KHDRBS2: variants seen among roughly 807,000 people sequenced by gnomAD.
The protein encoded by KHDRBS2 is KH RNA binding domain containing, signal transduction associated 2.
Under a neutral mutation model 44.3 loss-of-function variants are expected in KHDRBS2, and 26 were observed. That is an observed-to-expected ratio of 0.59 (90% CI 0.43 to 0.81). The LOEUF (loss-of-function observed/expected upper bound fraction) is 0.81, where lower values mean the gene tolerates loss of function less well. Among genes scored for constraint, KHDRBS2 ranks in the 40% least tolerant of loss-of-function variants. KHDRBS2 has a pLI of 0.00. For synonymous variants in KHDRBS2, 194 were observed against 151.1 expected (o/e 1.28, Z -2.08); for missense variants, 476 against 433.1 (o/e 1.10, Z -0.88).
At chr6:61,578,480 C>T in the KHDRBS2 span, among the ~76,000 whole-genome samples, 1 of 152,084 alleles carries the variant, frequency 6.6e-6, no homozygotes, top group South Asian at 2.1e-4. Context: ...AGGTCAGCTT[C>T]TTGTATCTCC....
intron 6 of KHDRBS2, among the ~76,000 whole-genome samples, chr6:61,860,624 G>T (rs1362964378): frequency 1.3e-5 from 2 of 151,970 alleles, no homozygotes; most frequent in East Asian, 3.9e-4. Context: ...TATCATTGAT[G>T]GGTATTTAGG....
At chr6:62,279,195 TCA>T (rs1180345518) in intron 1 of KHDRBS2, among the ~76,000 whole-genome samples, 1 of 152,134 alleles carries the variant, frequency 6.6e-6, no homozygotes, top group Non-Finnish European at 1.5e-5. Context: ...CTCAGATACC[TCA>T]CAGAGTAAAG....
intron 5 of KHDRBS2, 35 bp downstream of exon 5, chr6:61,901,209 C>T: frequency 6.3e-7 from 1 of 1,598,728 alleles, no homozygotes; most frequent in Non-Finnish European, 8.5e-7. Context: ...GGCCTGCCAT[C>T]ATCCTTAATT....
At chr6:61,759,790 G>A (rs1779012782) in intron 6 of KHDRBS2, among the ~76,000 whole-genome samples, 1 of 152,146 alleles carries the variant, frequency 6.6e-6, no homozygotes, top group African/African-American at 2.4e-5. Context: ...GTAGGATTTG[G>A]CTAATCAACA....
chr6:61,865,509 T>C (rs763197124), intron 6 of KHDRBS2, among the ~76,000 whole-genome samples: 15 of 152,044 alleles, frequency 9.9e-5, no homozygotes, highest in African/African-American at 2.7e-4. Flanking sequence ...AAAAACAGCA[T>C]GGGAAAGACC....
the KHDRBS2 span, among the ~76,000 whole-genome samples, chr6:61,575,495 T>G: frequency 1.3e-5 from 2 of 152,198 alleles, no homozygotes; most frequent in African/African-American, 4.8e-5. Flanking sequence ...CAAACACTTT[T>G]ACACTGCTGG....
At chr6:62,238,690 A>G (rs1834102280) in intron 1 of KHDRBS2, among the ~76,000 whole-genome samples, 1 of 41,488 alleles carries the variant, frequency 2.4e-5, no homozygotes, top group African/African-American at 5.1e-5. Context: ...TTTTATATAC[A>G]CACACACACA....
rs777723610 is a variant in KHDRBS2, at chr6:61,681,019, G to T, written c.994C>A (p.Pro332Thr). The change falls in exon 9 of 9, where the codon CCA becomes ACA. Residue 332 changes from proline to threonine, a missense_variant. Coordinates refer to ENST00000281156, the MANE Select transcript of KHDRBS2 (RefSeq NM_152688.4). ...WATTRSSLKA[P>T]PQRSARGGYR... ...CCCCCTCTGGCTGACCTTTGCGGTG[G>T]TGCCTTCAAGCTAGAGCGGGTTGTG... The T allele has an allele frequency of 1.2e-6, 2 of 1,611,860 alleles. No individual in the cohort carries two copies. The highest frequency in any genetic ancestry group is 2.2e-5 in the East Asian group (1 of 44,756).
the KHDRBS2 span, among the ~76,000 whole-genome samples, chr6:61,553,859 G>C: frequency 6.6e-6 from 1 of 152,144 alleles, no homozygotes; most frequent in African/African-American, 2.4e-5. Context: ...TGTGATCCAA[G>C]AGTGTGGTTA....
At chr6:61,630,988 A>G in the KHDRBS2 span, among the ~76,000 whole-genome samples, 12 of 152,114 alleles carry the variant, frequency 7.9e-5, no homozygotes, top group East Asian at 2.3e-3. Flanking sequence ...TTCTCAAGTA[A>G]CACTTCGTCT....
chr6:61,563,777 T>C, the KHDRBS2 span, among the ~76,000 whole-genome samples: 1 of 152,106 alleles, frequency 6.6e-6, no homozygotes, highest in African/African-American at 2.4e-5. Context: ...TCATAGAAAG[T>C]ACATTATACA....
At chr6:62,007,060 T>C (rs1779374474) in intron 3 of KHDRBS2, among the ~76,000 whole-genome samples, 1 of 152,114 alleles carries the variant, frequency 6.6e-6, no homozygotes, top group South Asian at 2.1e-4. Context: ...TGGACATTGC[T>C]TCTGTGATCA....
intron 3 of KHDRBS2, among the ~76,000 whole-genome samples, chr6:62,018,563 T>C (rs564688943): frequency 4.6e-5 from 7 of 152,032 alleles, no homozygotes; most frequent in Non-Finnish European, 7.4e-5. Context: ...GCCAGGATGA[T>C]CTCGATATCC....
intron 3 of KHDRBS2, among the ~76,000 whole-genome samples, chr6:62,002,624 C>G (rs1778467781): frequency 6.6e-6 from 1 of 150,878 alleles, no homozygotes; most frequent in Non-Finnish European, 1.5e-5. Flanking sequence ...TAGAATAGAG[C>G]AATGTAAAAA....
chr6:61,582,671 T>C, the KHDRBS2 span, among the ~76,000 whole-genome samples: 6 of 146,510 alleles, frequency 4.1e-5, no homozygotes, highest in South Asian at 1.3e-3. Flanking sequence ...ATCTTCATAT[T>C]CCTTATGGTA....
intron 3 of KHDRBS2, among the ~76,000 whole-genome samples, chr6:62,008,134 G>A (rs1001478534): frequency 6.6e-6 from 1 of 152,126 alleles, no homozygotes; most frequent in Non-Finnish European, 1.5e-5. Context: ...AATCACAAAA[G>A]TTCTCATTAA....
intron 1 of KHDRBS2, among the ~76,000 whole-genome samples, chr6:62,192,521 C>T (rs1824838269): frequency 6.6e-6 from 1 of 152,066 alleles, no homozygotes; most frequent in South Asian, 2.1e-4. Context: ...AGAAATGCTA[C>T]AAGCAGATGT....
chr6:61,820,724 T>C (rs945598636), intron 6 of KHDRBS2, among the ~76,000 whole-genome samples: 53 of 152,180 alleles, frequency 3.5e-4, no homozygotes, highest in Admixed American at 3.3e-3. Flanking sequence ...ACATACACAA[T>C]CCATTTATGC....
Position 61,969,022 on chromosome 6 carries a change from T to C in KHDRBS2, c.483+9044A>G, listed in dbSNP as rs1429105201. Among the ~76,000 whole-genome samples the C allele has an allele frequency of 4.6e-5, 7 of 152,068 alleles. No homozygotes were observed. The South Asian group carries it at 1.4e-3, about 31-fold the overall frequency. Reference sequence around the variant, plus strand: ...TATTGCCTTAGAAACCTGTTAATTGTTTTGAGCTTAAGTATCCCTTCCAGT... The same window carrying C: ...TATTGCCTTAGAAACCTGTTAATTGCTTTGAGCTTAAGTATCCCTTCCAGT... On this transcript the variant is annotated intron_variant, in intron 4 of 8. Coordinates refer to ENST00000281156, the MANE Select transcript of KHDRBS2 (RefSeq NM_152688.4).
Sources: allele counts gnomAD v4.1 joint callset (sites outside exome capture counted in the v4.1 genomes callset), GRCh38; gene constraint gnomAD v4.1.1; transcripts MANE v1.5; gene names NCBI Gene and HGNC (gene_info 2026-07-23, HGNC 2026-07-21).